Variants in DENND1A observed in about 807,000 individuals in gnomAD.
The protein encoded by DENND1A is DENN domain containing 1A.
Under a neutral mutation model 113.7 loss-of-function variants are expected in DENND1A, and 51 were observed. The ratio of observed to expected loss-of-function variants is 0.45; its 90% CI spans 0.36 to 0.57. DENND1A has a LOEUF of 0.57. Among genes scored for constraint, DENND1A ranks in the 20% least tolerant of loss-of-function variants. DENND1A has a pLI of 0.00. For synonymous variants in DENND1A, 565 were observed against 570.8 expected, an observed-to-expected ratio of 0.99 and a Z score of 0.14; for missense variants, 1,258 against 1,395.9, an observed-to-expected ratio of 0.90 and a Z score of 1.57.
intron 3 of DENND1A, among the ~76,000 whole-genome samples, chr9:123,778,110 A>G (rs897594996): frequency 5.9e-5 from 9 of 152,228 alleles, no homozygotes; most frequent in Admixed American, 5.9e-4. Context: ...GTTTTCTAAC[A>G]TCTAACACTC....
chr9:123,739,922 G>GAAA (rs74357014), intron 5 of DENND1A, among the ~76,000 whole-genome samples: 1 of 118,946 alleles, frequency 8.4e-6, no homozygotes, highest in African/African-American at 2.8e-5. Flanking sequence ...GTACATAGGA[G>GAAA]AAAAAAAAAA....
intron 18 of DENND1A, among the ~76,000 whole-genome samples, chr9:123,448,165 G>A (rs980602047): frequency 6.6e-6 from 1 of 152,224 alleles, no homozygotes; most frequent in African/African-American, 2.4e-5. Context: ...AAGACTGGCA[G>A]GGGGAAGGGA....
At chr9:123,712,226 T>A (rs2066684000) in intron 5 of DENND1A, among the ~76,000 whole-genome samples, 1 of 152,212 alleles carries the variant, frequency 6.6e-6, no homozygotes, top group East Asian at 1.9e-4. Flanking sequence ...CTTCATACTC[T>A]CTCTTCCTCA....
chr9:123,409,135 T>C (rs561061118), intron 20 of DENND1A, among the ~76,000 whole-genome samples: 74 of 152,064 alleles, frequency 4.9e-4, no homozygotes, highest in Non-Finnish European at 9.9e-4. Flanking sequence ...AATGAGACAA[T>C]AATTACACAA....
chr9:123,813,427 A>C (rs939908591), intron 2 of DENND1A, among the ~76,000 whole-genome samples: 1 of 151,856 alleles, frequency 6.6e-6, no homozygotes, highest in African/African-American at 2.4e-5. Flanking sequence ...CCAAAGGACC[A>C]GTAAATTCTC....
chr9:123,817,783 T>C (rs183924602), intron 2 of DENND1A, among the ~76,000 whole-genome samples: 51 of 152,210 alleles, frequency 3.4e-4, no homozygotes, highest in African/African-American at 1.2e-3. Context: ...TCCCAGTACT[T>C]TGGGAGGCCG....
chr9:123,534,903 T>C (rs924621369), intron 13 of DENND1A, among the ~76,000 whole-genome samples: 2 of 152,150 alleles, frequency 1.3e-5, no homozygotes, highest in Non-Finnish European at 2.9e-5. Context: ...GTGGCTTTTT[T>C]CCCCCCCTTC....
At chr9:123,875,050 A>G (rs1204911933) in intron 2 of DENND1A, among the ~76,000 whole-genome samples, 1 of 152,248 alleles carries the variant, frequency 6.6e-6, no homozygotes, top group Non-Finnish European at 1.5e-5. Flanking sequence ...CTACACAGCA[A>G]TGAAAATCTA....
chr9:123,639,898 C>CACA (rs2061937097), intron 9 of DENND1A, among the ~76,000 whole-genome samples: 1 of 151,898 alleles, frequency 6.6e-6, no homozygotes, highest in Non-Finnish European at 1.5e-5. Flanking sequence ...ACTTAATTTT[C>CACA]ACAACAGCCC....
intron 6 of DENND1A, 105 bp from the exon 7 acceptor site, chr9:123,671,476 T>C (rs2063762044): frequency 2.9e-6 from 3 of 1,038,218 alleles, no homozygotes; most frequent in Admixed American, 2.2e-5. Flanking sequence ...GGGGAGATGC[T>C]GGCCCCAGTA....
chr9:123,430,078 T>A (rs547438938), intron 19 of DENND1A, among the ~76,000 whole-genome samples: 1 of 152,082 alleles, frequency 6.6e-6, no homozygotes, highest in South Asian at 2.1e-4. Context: ...CCAATGAACA[T>A]ATGAAAAAAA....
chr9:123,664,056 A>T (rs960836094), intron 8 of DENND1A, among the ~76,000 whole-genome samples: 3 of 152,208 alleles, frequency 2.0e-5, no homozygotes, highest in African/African-American at 7.2e-5. Flanking sequence ...ACTACATGTC[A>T]TAAAAAGGAA....
intron 13 of DENND1A, among the ~76,000 whole-genome samples, chr9:123,473,993 T>TCA: frequency 7.5e-6 from 1 of 132,628 alleles, no homozygotes; most frequent in African/African-American, 2.8e-5. Flanking sequence ...TTTCTTTTTT[T>TCA]TTTTTTTTTT....
In DENND1A at chr9:123,855,978, A is replaced by G. The variant is rs148456465; in HGVS notation, c.88+22973T>C. Among the ~76,000 whole-genome samples the G allele has an allele frequency of 3.1e-3, 475 of 152,270 alleles. 18 individuals carry two copies. The East Asian group carries it at 0.066, about 21-fold the overall frequency. On this transcript the variant is annotated intron_variant, in intron 2 of 23. Coordinates refer to ENST00000394215, the MANE Select transcript of DENND1A (RefSeq NM_001352964.2). ...CTTGAACCCGGGAGGCGGAGGTTGC[A>G]TTGAGCCGAGATCGCGCCATTGCAC...
At chr9:123,650,890 G>A (rs2062608388) in intron 9 of DENND1A, among the ~76,000 whole-genome samples, 1 of 112,602 alleles carries the variant, frequency 8.9e-6, no homozygotes, top group African/African-American at 3.6e-5. Context: ...CTGGGTGACA[G>A]AGTAAGACTC....
At chr9:123,489,143 C>G (rs2051145582) in intron 13 of DENND1A, among the ~76,000 whole-genome samples, 1 of 152,132 alleles carries the variant, frequency 6.6e-6, no homozygotes, top group African/African-American at 2.4e-5. Flanking sequence ...GAACCAAAAC[C>G]ACAGACCTAG....
intron 5 of DENND1A, among the ~76,000 whole-genome samples, chr9:123,711,513 G>GTATATATATATATATATATATATATATA (rs56814463): frequency 8.3e-6 from 1 of 121,006 alleles, no homozygotes; most frequent in African/African-American, 3.3e-5. Context: ...ATGTATATAT[G>GTATATATATATATATATATATATATATA]TATATATATA....
chr9:123,808,203 G>A (rs1835931803), intron 2 of DENND1A, among the ~76,000 whole-genome samples: 1 of 151,960 alleles, frequency 6.6e-6, no homozygotes, highest in Non-Finnish European at 1.5e-5. Context: ...CCCAGCCTAG[G>A]TGACAAGAGC....
chr9:123,607,539 AGAGAGAGAGTGTGT>A (rs2060222273), intron 11 of DENND1A, among the ~76,000 whole-genome samples: 1 of 127,754 alleles, frequency 7.8e-6, no homozygotes, highest in African/African-American at 2.9e-5. Context: ...AGAGAGAGAG[AGAGAGAGAGTGTGT>A]GTGTGTGTGT....
Sources: gnomAD v4.1 joint callset for allele counts (sites outside exome capture counted in the v4.1 genomes callset) on GRCh38, gnomAD v4.1.1 for gene constraint, MANE v1.5 for transcripts, NCBI Gene and HGNC (gene_info 2026-07-23, HGNC 2026-07-21) for gene names.